POFUT2: variants seen among roughly 807,000 people sequenced by gnomAD.
POFUT2 encodes protein O-fucosyltransferase 2, also known as GDP-fucose protein O-fucosyltransferase 2.
A neutral mutation model predicts 55.0 loss-of-function variants in POFUT2; 30 were observed. The ratio of observed to expected loss-of-function variants is 0.55; its 90% CI spans 0.41 to 0.74. POFUT2 has a LOEUF of 0.74. Among genes scored for constraint, POFUT2 ranks in the 30% least tolerant of loss-of-function variants. The pLI is 0.00. For synonymous variants in POFUT2, 267 were observed against 231.1 expected (o/e 1.16, Z -1.41); for missense variants, 524 against 562.6 (o/e 0.93, Z 0.69).
chr21:45,282,968 C>T lies in POFUT2; in HGVS notation c.527+415G>A. The T allele has an allele frequency of 2.1e-6, 1 of 470,954 alleles. No individual in the cohort carries two copies. The highest frequency in any genetic ancestry group is 4.4e-6 in the Non-Finnish European group (1 of 227,256). The allele number at this position is 470,954 out of a possible 1,614,324, so 29.2% of individuals were successfully genotyped here. ...GGCAACATCCAAATGCATGAAAAGA[C>T]ACAGGGAAAGAGGCACGGGGTCTCA... On this transcript the variant is annotated intron_variant, in intron 3 of 8. Transcript: ENST00000349485. The surrounding 1 kb of genome is among the most constrained non-coding windows in gnomAD (Gnocchi z 4.6).
At chr21:45,275,931 G>A (rs2093259223) in intron 6 of POFUT2, among the ~76,000 whole-genome samples, 1 of 152,182 alleles carries the variant, frequency 6.6e-6, no homozygotes, top group South Asian at 2.1e-4. Flanking sequence ...GCTCACGCCT[G>A]TAATCCCAGC....
intron 6 of POFUT2, among the ~76,000 whole-genome samples, chr21:45,272,515 A>G (rs1368651105): frequency 6.6e-6 from 1 of 152,216 alleles, no homozygotes; most frequent in African/African-American, 2.4e-5. Context: ...GAAAGCCAAC[A>G]AAGAAACAAT....
intron 6 of POFUT2, among the ~76,000 whole-genome samples, chr21:45,273,865 C>G (rs550434443): frequency 6.6e-6 from 1 of 152,080 alleles, no homozygotes; most frequent in South Asian, 2.1e-4. Flanking sequence ...ATTATACTGA[C>G]GGGGGAAAAG....
intron 1 of POFUT2, among the ~76,000 whole-genome samples, chr21:45,286,967 C>G (rs759723235): frequency 4.2e-4 from 64 of 152,314 alleles, no homozygotes; most frequent in Non-Finnish European, 7.5e-4. Flanking sequence ...GCTCCGCACA[C>G]CCAGGCCTGG....
intron 6 of POFUT2, among the ~76,000 whole-genome samples, chr21:45,273,943 T>G (rs1177275198): frequency 2.0e-5 from 3 of 152,132 alleles, no homozygotes; most frequent in African/African-American, 7.2e-5. Context: ...CTATTCAACA[T>G]AGTACTAGAA....
In POFUT2 at chr21:45,264,179, T is replaced by G. The variant is rs2093133635; in HGVS notation, c.*1303A>C. 5 of 151,314 alleles carry G rather than the reference T, an allele frequency of 3.3e-5. No individual in the cohort carries two copies. Among genetic ancestry groups the G allele is most frequent in the Admixed American group, 3.3e-4 (5 of 15,208 alleles). 9.4% of individuals were successfully genotyped at this position (151,314 alleles called of 1,614,324 possible). ...GACACAGCAAGGTGATGTCCTAGAC[T>G]AGCCAGGCTCCGAAAGGAAGAGCTG... On this transcript the variant is annotated 3_prime_UTR_variant, in exon 9 of 9. Transcript: ENST00000349485.
At position 45,282,306 on chromosome 21, in the gene POFUT2, G is replaced by T; in HGVS notation, c.638+43C>A. On this transcript the variant is annotated intron_variant, in intron 4 of 8. Coordinates refer to ENST00000349485, the MANE Select transcript of POFUT2 (RefSeq NM_133635.6). The surrounding 1 kb of genome is among the most constrained non-coding windows in gnomAD (Gnocchi z 4.6). ...CCAGCCCAGCATGCACGGAGCAGACGCCACAGCCTCCAGGCTGCTCCCGGG... is the reference window on the plus strand; with the variant it reads ...CCAGCCCAGCATGCACGGAGCAGACTCCACAGCCTCCAGGCTGCTCCCGGG... 7.9e-7 allele frequency: 1 copy of T among 1,271,636 alleles called. No individual in the cohort carries two copies. Among genetic ancestry groups the T allele is most frequent in the Non-Finnish European group, 1.1e-6 (1 of 871,610 alleles). 78.8% of individuals were successfully genotyped at this position (1,271,636 alleles called of 1,614,324 possible). A position where few individuals can be genotyped will look rare whatever the true frequency, so the allele number is the denominator to read the frequency against.
intron 4 of POFUT2, 143 bp from the exon 5 acceptor site, chr21:45,278,312 T>A: frequency 2.8e-6 from 2 of 720,858 alleles, no homozygotes; most frequent in South Asian, 3.2e-5. Context: ...GCGCGTTGGG[T>A]GGTTATGGCT....
intron 7 of POFUT2, among the ~76,000 whole-genome samples, chr21:45,269,396 T>C (rs2093196743): frequency 6.6e-6 from 1 of 152,092 alleles, no homozygotes; most frequent in African/African-American, 2.4e-5. Flanking sequence ...GCCGTGTCTG[T>C]GTAGAAAGAA....
In POFUT2 at chr21:45,285,404, G is replaced by A. The variant is rs1244359104; in HGVS notation, c.382+274C>T. On this transcript the variant is annotated intron_variant, in intron 2 of 8. Transcript: ENST00000349485. The surrounding 1 kb of genome is among the most constrained non-coding windows in gnomAD (Gnocchi z 4.9). Reference sequence around the variant, plus strand: ...CACCCAGGGGTGGCCGCTTTCTTAGGGTGTAAGGGCGGCTCTAACTGAGGG... The same window carrying A: ...CACCCAGGGGTGGCCGCTTTCTTAGAGTGTAAGGGCGGCTCTAACTGAGGG... The A allele has an allele frequency of 2.2e-6, 1 of 452,220 alleles. No individual in the cohort carries two copies. Among genetic ancestry groups the A allele is most frequent in the South Asian group, 2.0e-5 (1 of 50,210 alleles). 28.0% of individuals were successfully genotyped at this position (452,220 alleles called of 1,614,324 possible). A position where few individuals can be genotyped will look rare whatever the true frequency, so the allele number is the denominator to read the frequency against.
intron 8 of POFUT2, chr21:45,266,468 G>T (rs2093155906): frequency 5.1e-5 from 58 of 1,142,464 alleles, no homozygotes; most frequent in Non-Finnish European, 5.9e-5. Context: ...AGGGCAGGAG[G>T]CTGAGAGCTC....
At position 45,267,556 on chromosome 21, in the gene POFUT2, C is replaced by G. The variant is rs1353398180; in HGVS notation, c.1136+34G>C. On this transcript the variant is annotated intron_variant, in intron 8 of 8. Transcript: ENST00000349485. The surrounding 1 kb of genome is among the most constrained non-coding windows in gnomAD (Gnocchi z 4.4). ...AGAAGAACCTTTGAAAGCCACCCGA[C>G]CCGCTCTCGGCCGACAGTGACGTGG... is the stretch of plus-strand genomic sequence containing the variant. 21 of 1,614,086 alleles carry G rather than the reference C, an allele frequency of 1.3e-5. No individual in the cohort carries two copies. The highest frequency in any genetic ancestry group is 2.7e-5 in the African/African-American group (2 of 74,950).
Position 45,285,590 on chromosome 21 carries a change from C to T in POFUT2, c.382+88G>A, listed in dbSNP as rs1421502411. 6.5e-6 allele frequency: 10 copies of T among 1,541,930 alleles called. No homozygotes were observed. The highest frequency in any genetic ancestry group is 1.7e-5 in the Admixed American group (1 of 59,572). ...GGATGCTGGTGAGGCTGGATGCAATCGTAAGCCCAACCTGATGTCTACCTT... is the reference window on the plus strand; with the variant it reads ...GGATGCTGGTGAGGCTGGATGCAATTGTAAGCCCAACCTGATGTCTACCTT... On this transcript the variant is annotated intron_variant, in intron 2 of 8. Coordinates refer to ENST00000349485, the MANE Select transcript of POFUT2 (RefSeq NM_133635.6). The surrounding 1 kb of genome is among the most constrained non-coding windows in gnomAD (Gnocchi z 4.9).
rs1316821450 is a variant in POFUT2, at chr21:45,286,818, G to A, written c.132-890C>T. 3.9e-5 allele frequency among the ~76,000 whole-genome samples: 6 copies of A among 152,296 alleles called. No homozygotes were observed. The South Asian group carries it at 8.3e-4, about 21-fold the overall frequency. ...GCGTGCAGCGCCCAGGCCTGCGAAC[G>A]CCACGAGGGGCCGTGCACACCTCTG... is the stretch of plus-strand genomic sequence containing the variant. On this transcript the variant is annotated intron_variant, in intron 1 of 8. Transcript: ENST00000349485.
At position 45,285,681 on chromosome 21, in the gene POFUT2, C is replaced by T; in HGVS notation, c.379G>A (p.Ala127Thr). The T allele has an allele frequency of 3.1e-6, 5 of 1,613,640 alleles. No homozygotes were observed. Among genetic ancestry groups the T allele is most frequent in the East Asian group, 2.2e-5 (1 of 44,886 alleles). Residue 127 changes from alanine (A) to threonine (T), a missense_variant, in exon 2 of 9, where the codon GCA (alanine) becomes ACA (threonine). This residue lies in a region of POFUT2 where 274 missense variants were observed against 244.4 expected (regional missense o/e 1.12). Coordinates refer to ENST00000349485, the MANE Select transcript of POFUT2 (RefSeq NM_133635.6). The surrounding 1 kb of genome is among the most constrained non-coding windows in gnomAD (Gnocchi z 4.9). Reference protein sequence around the residue: ...IPVIEYEQFIAESGGPFIDQV... With the variant: ...IPVIEYEQFITESGGPFIDQV... ...CCAGCGTGCCGCTCGGCCTCACCTG[C>T]GATGAACTGCTCATACTCGATGACG... is the stretch of plus-strand genomic sequence containing the variant.
intron 6 of POFUT2, among the ~76,000 whole-genome samples, chr21:45,273,126 A>G (rs1028520055): frequency 6.6e-6 from 1 of 152,238 alleles, no homozygotes; most frequent in Non-Finnish European, 1.5e-5. Flanking sequence ...AAAGATAAAC[A>G]ACATTGATAG....
rs1339873068 is a variant in POFUT2, at chr21:45,265,429, C to A, written c.*53G>T. On this transcript the variant is annotated 3_prime_UTR_variant, in exon 9 of 9. Transcript: ENST00000349485. The surrounding 1 kb of genome is among the most constrained non-coding windows in gnomAD (Gnocchi z 4.6). ...AGACGGTGACTCCACGGCGACAGAACCTGCATCCACCCGCGCCTGTCGGGT... is the reference window on the plus strand; with the variant it reads ...AGACGGTGACTCCACGGCGACAGAAACTGCATCCACCCGCGCCTGTCGGGT... 6.6e-7 allele frequency: 1 copy of A among 1,508,610 alleles called. No individual in the cohort carries two copies. Among genetic ancestry groups the A allele is most frequent in the Non-Finnish European group, 9.0e-7 (1 of 1,109,578 alleles). 93.5% of individuals were successfully genotyped at this position (1,508,610 alleles called of 1,614,324 possible). A position where few individuals can be genotyped will look rare whatever the true frequency, so the allele number is the denominator to read the frequency against.
Position 45,269,729 on chromosome 21 carries a change from T to C in POFUT2, c.1012+110A>G, listed in dbSNP as rs1040112671. 3.9e-6 allele frequency: 4 copies of C among 1,024,166 alleles called. No homozygotes were observed. The African/African-American group carries it at 4.9e-5, about 13-fold the overall frequency. 63.4% of individuals were successfully genotyped at this position (1,024,166 alleles called of 1,614,324 possible). A position where few individuals can be genotyped will look rare whatever the true frequency, so the allele number is the denominator to read the frequency against. On this transcript the variant is annotated intron_variant, in intron 7 of 8. Coordinates refer to ENST00000349485, the MANE Select transcript of POFUT2 (RefSeq NM_133635.6). ...TTATCTGCTGACCTTCCCTCCACTA[T>C]TGTTCCATGACCCTGCCAAAATCCC... is the stretch of plus-strand genomic sequence containing the variant.
chr21:45,280,594 G>A lies in POFUT2; in HGVS notation c.638+1755C>T, dbSNP rs116212009. Among the ~76,000 whole-genome samples, 1,521 of 152,324 alleles carry A rather than the reference G, an allele frequency of 1.0e-2. 33 individuals are homozygous for A. The highest frequency in any genetic ancestry group is 0.035 in the African/African-American group (1,448 of 41,568). ...TTTCCCGAGCATGACAGCAATGGGG[G>A]CACCTGCTCGCATTAACAGCAGCTG... On this transcript the variant is annotated intron_variant, in intron 4 of 8. Coordinates refer to ENST00000349485, the MANE Select transcript of POFUT2 (RefSeq NM_133635.6).
Sources: allele counts gnomAD v4.1 joint callset (sites outside exome capture counted in the v4.1 genomes callset), GRCh38; gene constraint gnomAD v4.1.1; regional missense constraint gnomAD v4.1.1; non-coding constraint Gnocchi (gnomAD v3.1); transcripts MANE v1.5; gene names NCBI Gene and HGNC (gene_info 2026-07-23, HGNC 2026-07-21).